MCM2: variants seen among roughly 807,000 people sequenced by gnomAD.
MCM2 encodes the protein minichromosome maintenance complex component 2.
In MCM2, 49 loss-of-function variants were observed where a neutral mutation model predicts 86.4. That is an observed-to-expected ratio of 0.57 (90% CI 0.45 to 0.72). The LOEUF (loss-of-function observed/expected upper bound fraction) is 0.72. Ranked by LOEUF, MCM2 falls within the 30% of genes least tolerant of loss-of-function variation. The pLI is 0.00. For synonymous variants in MCM2, 475 were observed against 484.6 expected, an observed-to-expected ratio of 0.98 and a Z score of 0.26; for missense variants, 1,038 against 1,259.9, an observed-to-expected ratio of 0.82 and a Z score of 2.67.
chr3:127,607,744 C>T (rs1427180027), intron 6 of MCM2, among the ~76,000 whole-genome samples: 2 of 152,202 alleles, frequency 1.3e-5, no homozygotes, highest in African/African-American at 4.8e-5. Context: ...TCCTTTTTCA[C>T]AGCTCATGAG....
rs185316647 is a variant in MCM2 at position 127,620,867 on chromosome 3, G to A, written c.2435G>A (p.Arg812His). The change falls in exon 14 of 16, where the codon CGC becomes CAC. Residue 812 changes from arginine to histidine, a missense_variant. By Grantham distance (29) the Arg-to-His change is conservative. Transcript: ENST00000265056. The part of the protein sequence containing the change: ...FIDTQKFSVM[R>H]SMRKTFARYL... ...GACACACAGAAGTTCAGCGTCATGCGCAGCATGCGCAAGGTGGGTGTGCTC... is the reference window on the plus strand; with the variant it reads ...GACACACAGAAGTTCAGCGTCATGCACAGCATGCGCAAGGTGGGTGTGCTC... 190 of 1,606,860 alleles carry A rather than the reference G, an allele frequency of 1.2e-4. No homozygotes were observed. Among genetic ancestry groups the A allele is most frequent in the Non-Finnish European group, 1.1e-4 (133 of 1,175,118 alleles).
At chr3:127,605,210 C>T in intron 4 of MCM2, 54 bp downstream of exon 4, 1 of 1,584,340 alleles carries the variant, frequency 6.3e-7, no homozygotes. Flanking sequence ...CCTAAATCCT[C>T]CCCAGAAAGT....
chr3:127,603,616 G>T (rs2074322035), intron 2 of MCM2, among the ~76,000 whole-genome samples: 1 of 151,992 alleles, frequency 6.6e-6, no homozygotes, highest in Non-Finnish European at 1.5e-5. Flanking sequence ...CTCCTGAGTA[G>T]CTAGGACTAT....
intron 1 of MCM2, 116 bp downstream of exon 1, chr3:127,598,588 C>A: frequency 7.5e-7 from 1 of 1,339,068 alleles, no homozygotes; most frequent in Non-Finnish European, 1.0e-6. Flanking sequence ...GGGCCCCAGG[C>A]TCTGGGGCGC....
In MCM2 at chr3:127,619,050, GGTGGGCAGCCAC is replaced by G; in HGVS notation, c.2040_2051del (p.Gly681_Val684del). The G allele has an allele frequency of 6.2e-7, 1 of 1,607,528 alleles. No individual in the cohort carries two copies. Among genetic ancestry groups the G allele is most frequent in the East Asian group, 2.2e-5 (1 of 44,616 alleles). On this transcript the variant is annotated inframe_deletion, in exon 13 of 16. Coordinates refer to ENST00000265056, the MANE Select transcript of MCM2 (RefSeq NM_004526.4). ...AGGACGAGATGCTGGCCCGCTTCGT[GGTGGGCAGCCAC>G]GTCAGACACCACCCCAGCAACAAGG...
chr3:127,605,987 G>A lies in MCM2; in HGVS notation c.674-131G>A, dbSNP rs905970858. Reference sequence around the variant, plus strand: ...CAGCTGAAGTGTGGTAGACCTAGAAGTGAAAGCTGGGCTTTCTAGGTCAAA... The same window carrying A: ...CAGCTGAAGTGTGGTAGACCTAGAAATGAAAGCTGGGCTTTCTAGGTCAAA... On this transcript the variant is annotated intron_variant, in intron 4 of 15. Transcript: ENST00000265056. 23 of 681,086 alleles carry A rather than the reference G, an allele frequency of 3.4e-5. No homozygotes were observed. The Admixed American group carries it at 3.8e-4, about 11-fold the overall frequency. 42.2% of individuals were successfully genotyped at this position (681,086 alleles called of 1,614,324 possible). A position where few individuals can be genotyped will look rare whatever the true frequency, so the allele number is the denominator to read the frequency against.
At chr3:127,607,258 A>G (rs2074358662) in intron 6 of MCM2, among the ~76,000 whole-genome samples, 2 of 152,056 alleles carry the variant, frequency 1.3e-5, no homozygotes, top group South Asian at 2.1e-4. Context: ...GACCATACCA[A>G]CCTCCTGCAC....
intron 8 of MCM2, 59 bp from the exon 9 acceptor site, chr3:127,615,803 G>T: frequency 8.0e-7 from 1 of 1,254,262 alleles, no homozygotes. Context: ...CAGAGCATGT[G>T]GGTGACCTAC....
chr3:127,608,445 C>T lies in MCM2; in HGVS notation c.1165C>T (p.Arg389Trp), dbSNP rs377581276. ...GAGTCCAGGCAAAGTGGCGGCTGGCCGGCTGCCCCGCTCCAAGGACGCCAT... is the reference window on the plus strand; with the variant it reads ...GAGTCCAGGCAAAGTGGCGGCTGGCTGGCTGCCCCGCTCCAAGGACGCCAT... ...QESPGKVAAG[R>W]LPRSKDAILL... Residue 389 changes from arginine to tryptophan, a missense_variant, in exon 7 of 16, where the codon CGG becomes TGG. Arg to Trp is a moderately radical substitution (Grantham distance 101, BLOSUM62 -3). Coordinates refer to ENST00000265056, the MANE Select transcript of MCM2 (RefSeq NM_004526.4). 3 of 1,614,190 alleles carry T rather than the reference C, an allele frequency of 1.9e-6. No individual in the cohort carries two copies. Among genetic ancestry groups the T allele is most frequent in the Non-Finnish European group, 2.5e-6 (3 of 1,180,040 alleles).
At chr3:127,599,716 AG>A (rs1252856588) in intron 2 of MCM2, among the ~76,000 whole-genome samples, 169 bp downstream of exon 2, 1 of 152,242 alleles carries the variant, frequency 6.6e-6, no homozygotes, top group Non-Finnish European at 1.5e-5. Flanking sequence ...GCCATGACAC[AG>A]GTCTCTTTAA....
intron 6 of MCM2, among the ~76,000 whole-genome samples, chr3:127,607,369 C>T (rs986736059): frequency 2.0e-5 from 3 of 152,252 alleles, no homozygotes; most frequent in South Asian, 2.1e-4. Context: ...TCATCGCCAT[C>T]GCTGTGGTGG....
At chr3:127,599,280 G>A in intron 1 of MCM2, 38 bp from the exon 2 acceptor site, 3 of 1,585,554 alleles carry the variant, frequency 1.9e-6, no homozygotes, top group Non-Finnish European at 2.6e-6. Context: ...TGCCTCACCA[G>A]CTTCCTAGGT....
chr3:127,603,296 C>T (rs1328354104), intron 2 of MCM2, among the ~76,000 whole-genome samples: 1 of 151,790 alleles, frequency 6.6e-6, no homozygotes, highest in Non-Finnish European at 1.5e-5. Context: ...ACTGCCCTGG[C>T]CCAAAATTTA....
intron 6 of MCM2, among the ~76,000 whole-genome samples, chr3:127,607,643 C>T (rs967630465): frequency 2.0e-5 from 3 of 152,238 alleles, no homozygotes; most frequent in African/African-American, 7.2e-5. Context: ...TTCTAGGGAC[C>T]TGAGATAGTA....
chr3:127,610,807 A>C (rs980585873), intron 8 of MCM2: 3 of 456,686 alleles, frequency 6.6e-6, no homozygotes. Flanking sequence ...TCCCTGGCAG[A>C]GGCTGGTATT....
chr3:127,615,838 T>C (rs1230372944), intron 8 of MCM2, 24 bp from the exon 9 acceptor site: 20 of 1,566,574 alleles, frequency 1.3e-5, no homozygotes, highest in Non-Finnish European at 1.7e-5. Flanking sequence ...TTCCCATTCT[T>C]GTCGGTCTCC....
chr3:127,617,158 G>T lies in MCM2; in HGVS notation c.1773+40G>T, dbSNP rs751942078. On this transcript the variant is annotated intron_variant, in intron 10 of 15. Coordinates refer to ENST00000265056, the MANE Select transcript of MCM2 (RefSeq NM_004526.4). This position sits in a 1 kb window ranked among gnomAD's most constrained non-coding sequence, Gnocchi z 4.1. ...CACGGAGGCTGGTGGAACTCAGGGG[G>T]TGTGTGTGGGCTTGGGCCTTAGCGA... 13 of 1,607,532 alleles carry T rather than the reference G, an allele frequency of 8.1e-6. No individual in the cohort carries two copies. The Admixed American group carries it at 1.5e-4, about 19-fold the overall frequency.
rs771074995 is a variant in MCM2, at chr3:127,619,183, A to C, written c.2170A>C (p.Ile724Leu). Residue 724 changes from isoleucine to leucine, a missense_variant, in exon 13 of 16, where the codon ATC becomes CTC. By Grantham distance (5) the Ile-to-Leu change is conservative. Around this residue, in one of 4 missense-constraint regions of MCM2, gnomAD observed 336 missense variants for 425.7 expected, o/e 0.79. Coordinates refer to ENST00000265056, the MANE Select transcript of MCM2 (RefSeq NM_004526.4). ...GCCCCAGGAGGTCCTGAAGAAGTAC[A>C]TCATCTACGCCAAGGAGAGGGTCCA... is the stretch of plus-strand genomic sequence containing the variant. ...PLPQEVLKKY[I>L]IYAKERVHPK... is the part of the protein sequence containing the mutation. The C allele has an allele frequency of 6.2e-7, 1 of 1,614,060 alleles. No individual in the cohort carries two copies. The highest frequency in any genetic ancestry group is 8.5e-7 in the Non-Finnish European group (1 of 1,180,056).
chr3:127,610,306 G>A (rs2107690788), intron 8 of MCM2, among the ~76,000 whole-genome samples: 2 of 152,328 alleles, frequency 1.3e-5, no homozygotes, highest in South Asian at 4.1e-4. Flanking sequence ...AGGGACAGGA[G>A]CCATCACTGG....
Sources: allele counts gnomAD v4.1 joint callset (sites outside exome capture counted in the v4.1 genomes callset), GRCh38; gene constraint gnomAD v4.1.1; regional missense constraint gnomAD v4.1.1; non-coding constraint Gnocchi (gnomAD v3.1); transcripts MANE v1.5; gene names NCBI Gene and HGNC (gene_info 2026-07-23, HGNC 2026-07-21).